Variants in TUSC3 observed in about 807,000 individuals in gnomAD.
The protein encoded by TUSC3 is dolichyl-diphosphooligosaccharide--protein glycosyltransferase subunit TUSC3.
A neutral mutation model predicts 44.8 loss-of-function variants in TUSC3; 45 were observed. The observed-to-expected ratio is 1.00, with a 90% confidence interval of 0.79 to 1.29. TUSC3 has a LOEUF of 1.29. TUSC3 is among the 50% of genes most tolerant of loss of function. The pLI is 0.00. For missense variants in TUSC3, 519 were observed against 437.9 expected, an observed-to-expected ratio of 1.19 and a Z score of -1.65; for synonymous variants, 212 against 152.9, an observed-to-expected ratio of 1.39 and a Z score of -2.85.
At chr8:15,799,845 G>A in the TUSC3 span, among the ~76,000 whole-genome samples, 3 of 152,116 alleles carry the variant, frequency 2.0e-5, no homozygotes, top group Admixed American at 1.3e-4. Context: ...TAAGACCCCA[G>A]GTCATAGATG....
intron 3 of TUSC3, among the ~76,000 whole-genome samples, chr8:15,656,727 C>T (rs971495083): frequency 6.6e-6 from 1 of 152,218 alleles, no homozygotes; most frequent in Non-Finnish European, 1.5e-5. Flanking sequence ...GGCCCTGCTG[C>T]TGTAGATCCA....
At chr8:15,744,373 C>T (rs945917915) in intron 8 of TUSC3, among the ~76,000 whole-genome samples, 1 of 152,088 alleles carries the variant, frequency 6.6e-6, no homozygotes, top group African/African-American at 2.4e-5. Context: ...TGCCACAGAC[C>T]TTTTTATAGT....
intron 7 of TUSC3, chr8:15,733,336 T>C (rs1810798061): frequency 1.0e-5 from 4 of 397,180 alleles, no homozygotes; most frequent in East Asian, 1.6e-4. Flanking sequence ...TATTTAAATA[T>C]TATAGCTTCT....
chr8:15,473,622 G>A lies in TUSC3; in HGVS notation n.92-9764G>A, dbSNP rs142478657. ...ATTTTACAGCTGGGACTCCGGGGGT[G>A]ACATCATATATCGGCAGGACCGTGC... On this transcript the variant is annotated intron_variant and non_coding_transcript_variant, in intron 1 of 5. Transcript: ENST00000503191. Among the ~76,000 whole-genome samples, 556 of 152,278 alleles carry A rather than the reference G, an allele frequency of 3.7e-3. 9 individuals are homozygous for A. The highest frequency in any genetic ancestry group is 0.013 in the African/African-American group (533 of 41,554).
intron 6 of TUSC3, among the ~76,000 whole-genome samples, chr8:15,729,967 G>C (rs1810651092): frequency 6.6e-6 from 1 of 151,788 alleles, no homozygotes; most frequent in Admixed American, 6.6e-5. Context: ...ATACTCCAAG[G>C]TGTTATTTTT....
intron 2 of TUSC3, among the ~76,000 whole-genome samples, chr8:15,624,276 A>G (rs1200544200): frequency 1.3e-5 from 2 of 152,028 alleles, no homozygotes; most frequent in East Asian, 1.9e-4. Flanking sequence ...TAAATGTGGT[A>G]TGAGCATTTT....
At chr8:15,545,066 A>T (rs943329599) in intron 1 of TUSC3, among the ~76,000 whole-genome samples, 6 of 151,790 alleles carry the variant, frequency 4.0e-5, no homozygotes, top group African/African-American at 1.4e-4. Flanking sequence ...AATACCTAAG[A>T]TGTAGGTGTT....
At position 15,588,458 on chromosome 8, in the gene TUSC3, C is replaced by T. The variant is rs900841647; in HGVS notation, c.139-34622C>T. On this transcript the variant is annotated intron_variant, in intron 1 of 10. Transcript: ENST00000503731. ...CGAGTTCTTGTATATTCTGGATATT[C>T]GTTCCTTGTTGGATGAATAGTTTGC... 2.6e-5 allele frequency among the ~76,000 whole-genome samples: 4 copies of T among 151,972 alleles called. No individual in the cohort carries two copies. In the East Asian group the frequency reaches 5.8e-4, roughly 22 times the overall value.
At chr8:15,582,193 C>A (rs1408083532) in intron 1 of TUSC3, among the ~76,000 whole-genome samples, 2 of 152,204 alleles carry the variant, frequency 1.3e-5, no homozygotes, top group Non-Finnish European at 2.9e-5. Context: ...CACCCACTGG[C>A]CTGCGCCCAC....
intron 1 of TUSC3, among the ~76,000 whole-genome samples, chr8:15,547,704 G>T (rs2129135198): frequency 6.7e-6 from 1 of 150,328 alleles, no homozygotes; most frequent in South Asian, 2.1e-4. Context: ...CCTCAGGGGT[G>T]CCGCCCTCAT....
chr8:15,474,515 A>G (rs1800548743), intron 1 of TUSC3, among the ~76,000 whole-genome samples: 1 of 152,158 alleles, frequency 6.6e-6, no homozygotes, highest in African/African-American at 2.4e-5. Context: ...CTGCAACAAT[A>G]AAGTAGATTG....
intron 7 of TUSC3, among the ~76,000 whole-genome samples, chr8:15,743,153 TACAC>T (rs1811265221): frequency 1.3e-5 from 2 of 152,228 alleles, no homozygotes; most frequent in African/African-American, 4.8e-5. Flanking sequence ...AAAAGCTGTG[TACAC>T]ACACGTTATG....
chr8:15,623,636 G>A (rs917944080), intron 2 of TUSC3, among the ~76,000 whole-genome samples: 2 of 151,360 alleles, frequency 1.3e-5, no homozygotes, highest in South Asian at 2.1e-4. Flanking sequence ...TTTTGATACC[G>A]CCAATGATTA....
At chr8:15,722,811 T>C (rs1210760846) in intron 6 of TUSC3, among the ~76,000 whole-genome samples, 2 of 143,710 alleles carry the variant, frequency 1.4e-5, no homozygotes, top group African/African-American at 5.1e-5. Flanking sequence ...GTTCATTTGT[T>C]ATTAAAAAAA....
chr8:15,617,055 A>G (rs1317373893), intron 1 of TUSC3, among the ~76,000 whole-genome samples: 1 of 151,832 alleles, frequency 6.6e-6, no homozygotes, highest in East Asian at 1.9e-4. Flanking sequence ...CAGAGGGAGG[A>G]AATAGATGTA....
the TUSC3 span, among the ~76,000 whole-genome samples, chr8:15,808,037 A>G: frequency 2.6e-5 from 4 of 152,214 alleles, no homozygotes; most frequent in Non-Finnish European, 4.4e-5. Flanking sequence ...AATTATTTTT[A>G]AAAACTTTAT....
chr8:15,751,279 G>C (rs984025748), intron 9 of TUSC3, among the ~76,000 whole-genome samples: 9 of 152,116 alleles, frequency 5.9e-5, no homozygotes, highest in African/African-American at 1.9e-4. Flanking sequence ...CACATAGCTA[G>C]GTGTCTCAGA....
At chr8:15,644,499 G>A (rs1180352543) in intron 2 of TUSC3, among the ~76,000 whole-genome samples, 3 of 152,168 alleles carry the variant, frequency 2.0e-5, no homozygotes, top group Non-Finnish European at 4.4e-5. Flanking sequence ...GTGCTAATAA[G>A]CTTTCGTAAT....
At chr8:15,688,265 A>G (rs1312201895) in intron 6 of TUSC3, among the ~76,000 whole-genome samples, 2 of 152,148 alleles carry the variant, frequency 1.3e-5, no homozygotes, top group African/African-American at 2.4e-5. Flanking sequence ...TAACTCTACA[A>G]TTTCAGAATA....
Sources: gnomAD v4.1 joint callset for allele counts (sites outside exome capture counted in the v4.1 genomes callset) on GRCh38, gnomAD v4.1.1 for gene constraint, MANE v1.5 for transcripts, NCBI Gene and HGNC (gene_info 2026-07-23, HGNC 2026-07-21) for gene names.